The following NOL10 variants were observed in gnomAD, a reference collection of about 807,000 sequenced individuals.
NOL10 encodes the protein nucleolar protein 10.
A neutral mutation model predicts 103.5 loss-of-function variants in NOL10; 58 were observed. The observed-to-expected ratio is 0.56, with a 90% CI of 0.45 to 0.70. The LOEUF is 0.70. Among genes scored for constraint, NOL10 ranks in the 30% least tolerant of loss-of-function variants. The pLI is 0.00. For synonymous variants in NOL10, 287 were observed against 282.5 expected (o/e 1.02, Z -0.16); for missense variants, 763 against 807.3 (o/e 0.95, Z 0.67).
chr2:10,659,052 C>T (rs1256923604), intron 10 of NOL10, 120 bp downstream of exon 10: 9 of 711,626 alleles, frequency 1.3e-5, no homozygotes, highest in Admixed American at 4.5e-5. Context: ...CTGGAATACC[C>T]TCTGGTCTGG....
At chr2:10,681,566 T>C (rs1681758482) in intron 3 of NOL10, among the ~76,000 whole-genome samples, 1 of 152,190 alleles carries the variant, frequency 6.6e-6, no homozygotes, top group African/African-American at 2.4e-5. Flanking sequence ...ATGGTAAACT[T>C]AGGATCTGTG....
intron 4 of NOL10, among the ~76,000 whole-genome samples, chr2:10,675,253 C>G (rs940916566): frequency 2.6e-5 from 4 of 151,932 alleles, no homozygotes; most frequent in African/African-American, 9.7e-5. Context: ...CAGGGAGGAT[C>G]TGATGAGCTG....
chr2:10,630,068 C>T (rs1373759040), intron 13 of NOL10, among the ~76,000 whole-genome samples: 1 of 152,200 alleles, frequency 6.6e-6, no homozygotes, highest in Admixed American at 6.5e-5. Flanking sequence ...GGATTACAGA[C>T]ATGAACCACC....
chr2:10,680,828 C>T (rs1357325206), intron 3 of NOL10, among the ~76,000 whole-genome samples: 3 of 152,166 alleles, frequency 2.0e-5, no homozygotes, highest in Admixed American at 6.5e-5. Context: ...AAATCACAAC[C>T]ACTAAAGGTT....
intron 12 of NOL10, among the ~76,000 whole-genome samples, chr2:10,654,219 C>T (rs570620053): frequency 6.6e-6 from 1 of 152,286 alleles, no homozygotes; most frequent in South Asian, 2.1e-4. Context: ...GCTGTTACCA[C>T]GTTCCACTAA....
At position 10,572,189 on chromosome 2, in the gene NOL10, G is replaced by C. The variant is rs1364394926; in HGVS notation, c.1949C>G (p.Ser650Cys). 24 of 1,613,602 alleles carry C rather than the reference G, an allele frequency of 1.5e-5. No homozygotes were observed. The highest frequency in any genetic ancestry group is 1.9e-5 in the Non-Finnish European group (23 of 1,179,832). Residue 650 changes from serine (S) to cysteine (C), a missense_variant and splice_region_variant, in exon 21 of 21, where the codon TCT (serine) becomes TGT (cysteine). Physicochemically the swap from Ser to Cys is moderately radical, Grantham distance 112. Coordinates refer to ENST00000381685, the MANE Select transcript of NOL10 (RefSeq NM_024894.4). The stretch of plus-strand genomic sequence containing the variant: ...CTCCTGTTGCTTCTTCTGCTGTTCA[G>C]ACTAAAAGAGAAAATGAAATGAGTA... The part of the protein sequence containing the change: ...SKQLTFTLKR[S>C]EQQKKQQEAE...
At chr2:10,623,276 GAGAAGTATC>G (rs1357191481) in intron 13 of NOL10, among the ~76,000 whole-genome samples, 3 of 151,992 alleles carry the variant, frequency 2.0e-5, no homozygotes, top group African/African-American at 4.8e-5. Context: ...AGTCTTACCG[GAGAAGTATC>G]AGTATCTCCC....
At chr2:10,638,192 G>A (rs538736480) in intron 13 of NOL10, among the ~76,000 whole-genome samples, 287 of 152,152 alleles carry the variant, frequency 1.9e-3, no homozygotes, top group African/African-American at 6.6e-3. Context: ...AAGCTGAGGC[G>A]GGAGGATGCT....
At chr2:10,600,171 G>A (rs1393681556) in intron 17 of NOL10, among the ~76,000 whole-genome samples, 2 of 152,124 alleles carry the variant, frequency 1.3e-5, no homozygotes, top group African/African-American at 4.8e-5. Context: ...TCTAAGCAGA[G>A]AAAACAAGAT....
rs1292333324 is a variant in NOL10 at position 10,654,554 on chromosome 2, A to T, written c.907-7T>A. On this transcript the variant is annotated splice_region_variant and splice_polypyrimidine_tract_variant and intron_variant, in intron 11 of 20. Coordinates refer to ENST00000381685, the MANE Select transcript of NOL10 (RefSeq NM_024894.4). ...AGGAAGTAAATATTTTTCCCTAAAA[A>T]TAGCAAGCAAAAACGAAGTATTAAA... The T allele has an allele frequency of 1.9e-6, 3 of 1,584,314 alleles. No individual in the cohort carries two copies. Among genetic ancestry groups the T allele is most frequent in the Non-Finnish European group, 2.6e-6 (3 of 1,168,808 alleles).
At chr2:10,625,660 T>G (rs1470151872) in intron 13 of NOL10, among the ~76,000 whole-genome samples, 1 of 152,162 alleles carries the variant, frequency 6.6e-6, no homozygotes, top group African/African-American at 2.4e-5. Context: ...TAATAACTAC[T>G]TTCTAGAGCA....
intron 17 of NOL10, among the ~76,000 whole-genome samples, chr2:10,592,881 A>G (rs1675462235): frequency 1.3e-5 from 2 of 152,206 alleles, no homozygotes; most frequent in South Asian, 4.1e-4. Flanking sequence ...TTAAGGAAAA[A>G]AGTAGGATAA....
chr2:10,653,149 T>G (rs183106211), intron 12 of NOL10, among the ~76,000 whole-genome samples: 2 of 150,432 alleles, frequency 1.3e-5, no homozygotes, highest in African/African-American at 4.9e-5. Context: ...GAGCAGAGAT[T>G]GTGCCACTGC....
intron 13 of NOL10, among the ~76,000 whole-genome samples, chr2:10,618,039 T>A (rs1676924494): frequency 1.0e-5 from 1 of 97,818 alleles, no homozygotes; most frequent in Non-Finnish European, 1.9e-5. Context: ...TTCATGTTTT[T>A]TTTTTTTTTT....
At chr2:10,631,366 C>T (rs146343772) in intron 13 of NOL10, among the ~76,000 whole-genome samples, 1 of 152,296 alleles carries the variant, frequency 6.6e-6, no homozygotes, top group Non-Finnish European at 1.5e-5. Context: ...GCATTCTTTT[C>T]AATCTTTAAA....
intron 17 of NOL10, among the ~76,000 whole-genome samples, chr2:10,591,274 C>T (rs1425230084): frequency 1.2e-4 from 18 of 152,140 alleles, no homozygotes; most frequent in Admixed American, 1.1e-3. Context: ...ACTGCAAACA[C>T]GTGCTACTAG....
At chr2:10,670,881 T>G (rs1167137762) in intron 6 of NOL10, among the ~76,000 whole-genome samples, 1 of 151,820 alleles carries the variant, frequency 6.6e-6, no homozygotes, top group Non-Finnish European at 1.5e-5. Flanking sequence ...GAAACAACTG[T>G]TTTTTAAATT....
rs1274082281 is a variant in NOL10 at position 10,587,108 on chromosome 2, T to C, written c.1844+1935A>G. ...ATATACATATATATACACATATATA[T>C]ACATATATATACATATATATACATA... On this transcript the variant is annotated intron_variant, in intron 19 of 20. Transcript: ENST00000381685. Among the ~76,000 whole-genome samples the C allele has an allele frequency of 1.9e-3, 82 of 44,122 alleles. 24 individuals carry two copies. Among genetic ancestry groups the C allele is most frequent in the African/African-American group, 5.5e-3 (46 of 8,362 alleles). The allele number at this position is 44,122 out of a possible 152,430, so 28.9% of individuals were successfully genotyped here.
chr2:10,652,809 T>C (rs979151064), intron 12 of NOL10, among the ~76,000 whole-genome samples: 10 of 151,822 alleles, frequency 6.6e-5, no homozygotes. Flanking sequence ...AAGACCACAT[T>C]TTCTACTGGA....
Sources: gnomAD v4.1 joint callset for allele counts (sites outside exome capture counted in the v4.1 genomes callset) on GRCh38, gnomAD v4.1.1 for gene constraint, MANE v1.5 for transcripts, NCBI Gene and HGNC (gene_info 2026-07-23, HGNC 2026-07-21) for gene names.